The following STAT1 variants were observed in gnomAD, a reference collection of about 807,000 sequenced individuals.
The protein encoded by STAT1 is signal transducer and activator of transcription 1.
Under a neutral mutation model 111.7 loss-of-function variants are expected in STAT1, and 24 were observed. That is an observed-to-expected ratio of 0.21 (90% CI 0.16 to 0.30). The LOEUF (loss-of-function observed/expected upper bound fraction) is 0.30, where lower values mean the gene tolerates loss of function less well. Ranked by LOEUF, STAT1 falls within the 10% of genes least tolerant of loss-of-function variation. The pLI is 1.00. For missense variants in STAT1, 351 were observed against 911.9 expected, an observed-to-expected ratio of 0.38 and a Z score of 7.92; for synonymous variants, 332 against 326.5, an observed-to-expected ratio of 1.02 and a Z score of -0.18.
In STAT1 at chr2:190,986,713, G is replaced by A. The variant is rs534649389; in HGVS notation, c.1221+141C>T. The A allele has an allele frequency of 7.3e-5, 59 of 806,918 alleles. No homozygotes were observed. The highest frequency in any genetic ancestry group is 7.3e-4 in the Middle Eastern group (2 of 2,722). The allele number at this position is 806,918 out of a possible 1,614,324, so 50.0% of individuals were successfully genotyped here. On this transcript the variant is annotated intron_variant, in intron 14 of 24. Transcript: ENST00000361099. The surrounding 1 kb of genome is among the most constrained non-coding windows in gnomAD (Gnocchi z 5.0). ...AAACCAAAATGCCCCAAGTACTGGCGACAGGAAGACACCAGCCACAAAGTC... is the reference window on the plus strand; with the variant it reads ...AAACCAAAATGCCCCAAGTACTGGCAACAGGAAGACACCAGCCACAAAGTC...
At position 190,984,551 on chromosome 2, in the gene STAT1, T is replaced by G. The variant is rs948340599; in HGVS notation, c.1264-158A>C. ...TTCAATCTCTCCCAGATTTAATGAT[T>G]CTTAGTATCTCAGTGTGCTCTGAAA... On this transcript the variant is annotated intron_variant, in intron 15 of 24. Transcript: ENST00000361099. This position sits in a 1 kb window ranked among gnomAD's most constrained non-coding sequence, Gnocchi z 5.2. 6.6e-6 allele frequency among the ~76,000 whole-genome samples: 1 copy of G among 152,268 alleles called. No individual in the cohort carries two copies. The highest frequency in any genetic ancestry group is 6.5e-5 in the Admixed American group (1 of 15,286).
rs1448483806 is a variant in STAT1, at chr2:191,000,733, C to G, written c.462+341G>C. Among the ~76,000 whole-genome samples the G allele has an allele frequency of 2.0e-5, 3 of 152,118 alleles. No homozygotes were observed. Among genetic ancestry groups the G allele is most frequent in the African/African-American group, 7.2e-5 (3 of 41,412 alleles). On this transcript the variant is annotated intron_variant, in intron 6 of 24. Transcript: ENST00000361099. The surrounding 1 kb of genome is among the most constrained non-coding windows in gnomAD (Gnocchi z 4.8). ...CTGGGAAGGATGGGCCATGTTTATC[C>G]TGGGGCACTGTGATTTGAGAGGTGT...
chr2:190,984,279 G>C lies in STAT1; in HGVS notation c.1347+31C>G. 1 of 1,545,552 alleles carries C rather than the reference G, an allele frequency of 6.5e-7. No homozygotes were observed. Among genetic ancestry groups the C allele is most frequent in the East Asian group, 2.2e-5 (1 of 44,500 alleles). ...AACAATTAAAAGTAAAAATAATGAA[G>C]TTTTCCAACTCGGGACCATAAAAGT... On this transcript the variant is annotated intron_variant, in intron 16 of 24. Coordinates refer to ENST00000361099, the MANE Select transcript of STAT1 (RefSeq NM_007315.4). The surrounding 1 kb of genome is among the most constrained non-coding windows in gnomAD (Gnocchi z 5.2).
chr2:191,009,941 A>G lies in STAT1; in HGVS notation c.63T>C (p.Leu21=), dbSNP rs2066802. Residue 21 remains leucine (L), a synonymous_variant, in exon 3 of 25, where the codon CTT becomes CTC. Transcript: ENST00000361099. ...DSKFLEQVHQ[L]YDDSFPMEIR... is the part of the protein sequence containing the mutation. Reference sequence around the variant, plus strand: ...TTTCCATGGGAAAACTGTCATCATAAAGCTGGTGAACCTGCTCCAGGAATT... The same window carrying G: ...TTTCCATGGGAAAACTGTCATCATAGAGCTGGTGAACCTGCTCCAGGAATT... 0.07 allele frequency: 113,018 copies of G among 1,613,936 alleles called. 5,340 individuals are homozygous for G. Among genetic ancestry groups the G allele is most frequent in the East Asian group, 0.23 (10,106 of 44,844 alleles).
At position 190,996,586 on chromosome 2, in the gene STAT1, C is replaced by A. The variant is rs1693873075; in HGVS notation, c.785+1270G>T. 6.6e-6 allele frequency among the ~76,000 whole-genome samples: 1 copy of A among 152,158 alleles called. No individual in the cohort carries two copies. Among genetic ancestry groups the A allele is most frequent in the African/African-American group, 2.4e-5 (1 of 41,446 alleles). Reference sequence around the variant, plus strand: ...AGGGCCTCCCTGGCCACCTGAAGGGCTTTAGGGTTGTATGTATCCCTCAAG... The same window carrying A: ...AGGGCCTCCCTGGCCACCTGAAGGGATTTAGGGTTGTATGTATCCCTCAAG... On this transcript the variant is annotated intron_variant, in intron 9 of 24. Coordinates refer to ENST00000361099, the MANE Select transcript of STAT1 (RefSeq NM_007315.4). This position sits in a 1 kb window ranked among gnomAD's most constrained non-coding sequence, Gnocchi z 4.5.
chr2:191,006,100 T>C lies in STAT1; in HGVS notation c.372+1463A>G, dbSNP rs1174898271. Among the ~76,000 whole-genome samples, 1 of 152,222 alleles carries C rather than the reference T, an allele frequency of 6.6e-6. No individual in the cohort carries two copies. Among genetic ancestry groups the C allele is most frequent in the Non-Finnish European group, 1.5e-5 (1 of 68,034 alleles). ...AATGTGAGGATGACATGCTTGCAGC[T>C]GGGGGAAACAGGTTGTCCTTCTGCC... On this transcript the variant is annotated intron_variant, in intron 5 of 24. Transcript: ENST00000361099. This position sits in a 1 kb window ranked among gnomAD's most constrained non-coding sequence, Gnocchi z 4.6.
rs1007273508 is a variant in STAT1, at chr2:190,996,078, G to A, written c.786-859C>T. On this transcript the variant is annotated intron_variant, in intron 9 of 24. Transcript: ENST00000361099. This position sits in a 1 kb window ranked among gnomAD's most constrained non-coding sequence, Gnocchi z 4.5. The stretch of plus-strand genomic sequence containing the variant: ...GAGACAGAGATGGGAGACAAGGCCG[G>A]GGACAGGAAGAGAGGAAGGAATGAT... 1.3e-5 allele frequency among the ~76,000 whole-genome samples: 2 copies of A among 152,148 alleles called. No individual in the cohort carries two copies. Among genetic ancestry groups the A allele is most frequent in the Admixed American group, 1.3e-4 (2 of 15,278 alleles).
In STAT1 at chr2:190,986,687, G is replaced by T. The variant is rs751487868; in HGVS notation, c.1221+167C>A. ...GTGAACAGTCGTGGGATAAGGAGGA[G>T]AAACCAAAATGCCCCAAGTACTGGC... On this transcript the variant is annotated intron_variant, in intron 14 of 24. Transcript: ENST00000361099. This position sits in a 1 kb window ranked among gnomAD's most constrained non-coding sequence, Gnocchi z 5.0. 6.6e-6 allele frequency among the ~76,000 whole-genome samples: 1 copy of T among 152,216 alleles called. No homozygotes were observed. The highest frequency in any genetic ancestry group is 1.5e-5 in the Non-Finnish European group (1 of 68,036).
rs1476192571 is a variant in STAT1, at chr2:190,976,246, A to T, written c.2060-359T>A. On this transcript the variant is annotated intron_variant, in intron 22 of 24. Coordinates refer to ENST00000361099, the MANE Select transcript of STAT1 (RefSeq NM_007315.4). The surrounding 1 kb of genome is among the most constrained non-coding windows in gnomAD (Gnocchi z 6.0). ...AATGAATATTCACAGCTGTCAAGGT[A>T]AGCTGGGGACATCTTCATTCCAAAG... 6.6e-6 allele frequency among the ~76,000 whole-genome samples: 1 copy of T among 152,236 alleles called. No homozygotes were observed. The highest frequency in any genetic ancestry group is 6.5e-5 in the Admixed American group (1 of 15,288).
rs1691935482 is a variant in STAT1, at chr2:190,976,759, G to C, written c.2059+81C>G. The C allele has an allele frequency of 7.9e-7, 1 of 1,260,662 alleles. No homozygotes were observed. 78.1% of individuals were successfully genotyped at this position (1,260,662 alleles called of 1,614,324 possible). A position where few individuals can be genotyped will look rare whatever the true frequency, so the allele number is the denominator to read the frequency against. On this transcript the variant is annotated intron_variant, in intron 22 of 24. Coordinates refer to ENST00000361099, the MANE Select transcript of STAT1 (RefSeq NM_007315.4). This position sits in a 1 kb window ranked among gnomAD's most constrained non-coding sequence, Gnocchi z 6.0. ...CTTACCAATTCGAAAGCAAAACACT[G>C]CATGGGTGGAGTTTCAGAATAATCA...
At chr2:191,013,033 G>C (rs1490031883) in intron 2 of STAT1, among the ~76,000 whole-genome samples, 1 of 152,292 alleles carries the variant, frequency 6.6e-6, no homozygotes, top group Admixed American at 6.5e-5. Flanking sequence ...GGGTGGGGAG[G>C]GGGTAGAGTA....
chr2:190,970,646 G>A lies in STAT1; in HGVS notation c.*57C>T, dbSNP rs1403123349. On this transcript the variant is annotated 3_prime_UTR_variant, in exon 25 of 25. Transcript: ENST00000361099. This position sits in a 1 kb window ranked among gnomAD's most constrained non-coding sequence, Gnocchi z 5.4. ...GATGTGAAGGAACAGAGTAGCAGGA[G>A]GGAATCACAGATGAGAAGGAAAACT... 6.4e-7 allele frequency: 1 copy of A among 1,570,808 alleles called. No homozygotes were observed. Among genetic ancestry groups the A allele is most frequent in the East Asian group, 2.2e-5 (1 of 44,622 alleles).
rs561357858 is a variant in STAT1, at chr2:191,012,191, T to C, written c.-2+1334A>G. 2.4e-4 allele frequency among the ~76,000 whole-genome samples: 37 copies of C among 151,838 alleles called. No homozygotes were observed. Among genetic ancestry groups the C allele is most frequent in the African/African-American group, 3.6e-4 (15 of 41,440 alleles). ...ACTTTCGGAGGCCAAGGTGGGCGGATTGCCTGAGCTCCGGAGTTCAAGACC... is the reference window on the plus strand; with the variant it reads ...ACTTTCGGAGGCCAAGGTGGGCGGACTGCCTGAGCTCCGGAGTTCAAGACC... On this transcript the variant is annotated intron_variant, in intron 2 of 24. Coordinates refer to ENST00000361099, the MANE Select transcript of STAT1 (RefSeq NM_007315.4). This position sits in a 1 kb window ranked among gnomAD's most constrained non-coding sequence, Gnocchi z 4.0.
chr2:190,998,671 A>C lies in STAT1; in HGVS notation c.542-363T>G, dbSNP rs886591957. ...AGCGAGACTCCGTCTCCAAAAAAAA[A>C]CAAAAAAAACAAAAAAAAAACAAAA... On this transcript the variant is annotated intron_variant, in intron 7 of 24. Coordinates refer to ENST00000361099, the MANE Select transcript of STAT1 (RefSeq NM_007315.4). The surrounding 1 kb of genome is among the most constrained non-coding windows in gnomAD (Gnocchi z 4.1). Among the ~76,000 whole-genome samples the C allele has an allele frequency of 4.0e-5, 6 of 151,156 alleles. No homozygotes were observed. Among genetic ancestry groups the C allele is most frequent in the Non-Finnish European group, 7.4e-5 (5 of 67,710 alleles).
intron 2 of STAT1, among the ~76,000 whole-genome samples, chr2:191,010,606 C>G (rs1695046780): frequency 6.6e-6 from 1 of 152,186 alleles, no homozygotes; most frequent in East Asian, 1.9e-4. Context: ...CTACAAATCA[C>G]AGTACATTTG....
intron 5 of STAT1, among the ~76,000 whole-genome samples, chr2:191,005,252 T>A (rs11688154): frequency 0.078 from 11,819 of 152,218 alleles, 572 homozygotes; most frequent in East Asian, 0.16. Flanking sequence ...TTCTCCTTAC[T>A]CTTCTAGTCC....
Position 190,975,601 on chromosome 2 carries a change from C to A in STAT1, c.2135+211G>T, listed in dbSNP as rs1418118567. 4 of 1,427,168 alleles carry A rather than the reference C, an allele frequency of 2.8e-6. No homozygotes were observed. The highest frequency in any genetic ancestry group is 5.8e-5 in the Admixed American group (2 of 34,646). 88.4% of individuals were successfully genotyped at this position (1,427,168 alleles called of 1,614,324 possible). On this transcript the variant is annotated intron_variant, in intron 23 of 24. Transcript: ENST00000361099. This position sits in a 1 kb window ranked among gnomAD's most constrained non-coding sequence, Gnocchi z 5.9. ...TATCAGTTTTGGGAAAATTTATATA[C>A]CTTAAATACAAATTTGGTTTTTGGC...
Position 190,978,716 on chromosome 2 carries a change from A to G in STAT1, c.1873+140T>C. Reference sequence around the variant, plus strand: ...CATTTGTGGTGGTTTATTAAATCCTATCGGGGGCTCATTTGGGGTAAGTAT... The same window carrying G: ...CATTTGTGGTGGTTTATTAAATCCTGTCGGGGGCTCATTTGGGGTAAGTAT... On this transcript the variant is annotated intron_variant, in intron 21 of 24. Coordinates refer to ENST00000361099, the MANE Select transcript of STAT1 (RefSeq NM_007315.4). The surrounding 1 kb of genome is among the most constrained non-coding windows in gnomAD (Gnocchi z 6.1). 1.9e-6 allele frequency: 2 copies of G among 1,050,882 alleles called. No individual in the cohort carries two copies. The highest frequency in any genetic ancestry group is 2.8e-6 in the Non-Finnish European group (2 of 705,498). 65.1% of individuals were successfully genotyped at this position (1,050,882 alleles called of 1,614,324 possible).
chr2:191,009,756 C>T, intron 3 of STAT1, 120 bp downstream of exon 3: 1 of 1,391,588 alleles, frequency 7.2e-7, no homozygotes, highest in East Asian at 2.3e-5. Context: ...TTTTCTACAA[C>T]AAATAATTCC....
Sources: gnomAD v4.1 joint callset for allele counts (sites outside exome capture counted in the v4.1 genomes callset) on GRCh38, gnomAD v4.1.1 for gene constraint, Gnocchi (gnomAD v3.1) non-coding constraint, MANE v1.5 for transcripts, NCBI Gene and HGNC (gene_info 2026-07-23, HGNC 2026-07-21) for gene names.